The following DGLUCY variants were observed in gnomAD, a reference collection of about 807,000 sequenced individuals.
DGLUCY encodes D-glutamate cyclase, mitochondrial.
DGLUCY carries 58 observed loss-of-function variants against 58.5 expected under a neutral mutation model. That is an observed-to-expected ratio of 0.99 (90% CI 0.80 to 1.23). The LOEUF is 1.23. DGLUCY is among the 50% of genes most tolerant of loss of function. The pLI is 0.00. For synonymous variants in DGLUCY, 325 were observed against 314.1 expected (o/e 1.03, Z -0.37); for missense variants, 779 against 784.7 (o/e 0.99, Z 0.09).
chr14:91,224,374 A>G (rs902321820), intron 13 of DGLUCY, among the ~76,000 whole-genome samples: 7 of 152,204 alleles, frequency 4.6e-5, no homozygotes, highest in Non-Finnish European at 1.0e-4. Context: ...AAAACGGACA[A>G]TCAAACTAAG....
chr14:91,214,151 A>G (rs748051292), intron 12 of DGLUCY, among the ~76,000 whole-genome samples: 3 of 151,800 alleles, frequency 2.0e-5, no homozygotes, highest in Non-Finnish European at 4.4e-5. Flanking sequence ...TCTTTCCTAA[A>G]CCAGTCAGAA....
intron 7 of DGLUCY, among the ~76,000 whole-genome samples, chr14:91,179,719 C>A (rs2049051942): frequency 1.3e-5 from 2 of 151,254 alleles, no homozygotes; most frequent in East Asian, 1.9e-4. Flanking sequence ...CCACTGCACT[C>A]CAACCTGGGC....
At chr14:91,131,440 A>C (rs2046018431) in intron 1 of DGLUCY, among the ~76,000 whole-genome samples, 1 of 150,976 alleles carries the variant, frequency 6.6e-6, no homozygotes, top group African/African-American at 2.4e-5. Flanking sequence ...CATTGTCATT[A>C]CTGATATAGT....
chr14:91,142,853 AC>A (rs2046790839), intron 1 of DGLUCY, among the ~76,000 whole-genome samples: 3 of 143,746 alleles, frequency 2.1e-5, no homozygotes, highest in African/African-American at 8.1e-5. Flanking sequence ...ACACACACAC[AC>A]ACACACACAC....
chr14:91,184,580 G>T (rs1295745367), intron 8 of DGLUCY, among the ~76,000 whole-genome samples: 2 of 102,150 alleles, frequency 2.0e-5, no homozygotes, highest in Non-Finnish European at 4.0e-5. Flanking sequence ...AGAAAGTTGG[G>T]GGGGGGGAGG....
chr14:91,142,310 T>G (rs1392585686), intron 1 of DGLUCY, among the ~76,000 whole-genome samples: 1 of 152,124 alleles, frequency 6.6e-6, no homozygotes, highest in Admixed American at 6.6e-5. Flanking sequence ...TGCCAGAAAT[T>G]TGCATTTTTG....
intron 1 of DGLUCY, chr14:91,060,754 C>CGT (rs1256860159): frequency 6.0e-5 from 14 of 232,266 alleles, no homozygotes; most frequent in Middle Eastern, 1.2e-3. Flanking sequence ...AGGGCGCGCG[C>CGT]GTCTGCCAAC....
Position 91,170,044 on chromosome 14 carries a change from G to A in DGLUCY, c.299G>A (p.Cys100Tyr). The A allele has an allele frequency of 6.2e-7, 1 of 1,612,326 alleles. No homozygotes were observed. The change falls in exon 5 of 14, where the codon TGC becomes TAC. Residue 100 changes from cysteine to tyrosine, a missense_variant. Physicochemically the swap from Cys to Tyr is radical, Grantham distance 194. Transcript: ENST00000256324. ...TTCTGGAAATACGAGTTCGGTGCCTGCACCGGCAGCCTGGCTTCGCTGGAG... is the reference window on the plus strand; with the variant it reads ...TTCTGGAAATACGAGTTCGGTGCCTACACCGGCAGCCTGGCTTCGCTGGAG... ...PQFWKYEFGA[C>Y]TGSLASLEQY... is the part of the protein sequence containing the mutation.
At chr14:91,180,479 G>T (rs1037202229) in intron 7 of DGLUCY, among the ~76,000 whole-genome samples, 39 of 151,484 alleles carry the variant, frequency 2.6e-4, no homozygotes, top group Non-Finnish European at 4.4e-5. Flanking sequence ...GGCTGAGGCG[G>T]GAGAGTCGCT....
chr14:91,225,039 C>A lies in DGLUCY; in HGVS notation c.*206C>A. 2.1e-6 allele frequency: 1 copy of A among 487,192 alleles called. No individual in the cohort carries two copies. Among genetic ancestry groups the A allele is most frequent in the Non-Finnish European group, 3.4e-6 (1 of 293,830 alleles). The allele number at this position is 487,192 out of a possible 1,614,324, so 30.2% of individuals were successfully genotyped here. A position where few individuals can be genotyped will look rare whatever the true frequency, so the allele number is the denominator to read the frequency against. On this transcript the variant is annotated 3_prime_UTR_variant, in exon 14 of 14. Coordinates refer to ENST00000256324, the MANE Select transcript of DGLUCY (RefSeq NM_001102368.3). ...GACAAAGGACAACATTTCTCTGGGG[C>A]TTTTTAACTTTTATTCCTAAGACTC...
chr14:91,113,437 G>C (rs74083954), upstream of DGLUCY, among the ~76,000 whole-genome samples: 1,800 of 152,288 alleles, frequency 0.012, 27 homozygotes, highest in African/African-American at 0.04. Flanking sequence ...AGAAAATCAT[G>C]GTCATAGTTA....
intron 1 of DGLUCY, among the ~76,000 whole-genome samples, chr14:91,062,988 A>G (rs1340734021): frequency 1.3e-5 from 2 of 152,194 alleles, no homozygotes; most frequent in Non-Finnish European, 2.9e-5. Context: ...TATAGAGCCT[A>G]CAGTCTAGCA....
chr14:91,133,019 C>T (rs750816031), intron 1 of DGLUCY, among the ~76,000 whole-genome samples: 10 of 151,908 alleles, frequency 6.6e-5, no homozygotes, highest in East Asian at 1.9e-4. Flanking sequence ...TTTGGCTGGG[C>T]GCGGTAGCTC....
intron 13 of DGLUCY, 110 bp from the exon 14 acceptor site, chr14:91,224,574 A>G (rs1290005130): frequency 7.9e-7 from 1 of 1,271,386 alleles, no homozygotes. Flanking sequence ...TACTTTTTTA[A>G]AAAGCAAGTA....
intron 1 of DGLUCY, among the ~76,000 whole-genome samples, chr14:91,135,062 T>C (rs1235140778): frequency 1.3e-5 from 2 of 152,076 alleles, no homozygotes; most frequent in African/African-American, 4.8e-5. Context: ...TAGCTGGGAC[T>C]ACAGCCGCAC....
chr14:91,204,545 G>T (rs1203539455), intron 11 of DGLUCY, among the ~76,000 whole-genome samples, 161 bp from the exon 12 acceptor site: 2 of 152,176 alleles, frequency 1.3e-5, no homozygotes, highest in African/African-American at 4.8e-5. Flanking sequence ...TTTCTAGAAG[G>T]CCTAAGGGGA....
chr14:91,089,385 GT>G (rs2044272675), intron 1 of DGLUCY, among the ~76,000 whole-genome samples: 3 of 152,346 alleles, frequency 2.0e-5, no homozygotes, highest in Middle Eastern at 3.4e-3. Flanking sequence ...GGAGTCTCTG[GT>G]TCTCATCATG....
chr14:91,176,997 C>T (rs1337760672), intron 7 of DGLUCY, among the ~76,000 whole-genome samples: 3 of 149,938 alleles, frequency 2.0e-5, no homozygotes, highest in Admixed American at 1.3e-4. Context: ...GTCTTTCTTT[C>T]TTTCTCTTTC....
At chr14:91,199,626 C>A in intron 10 of DGLUCY, 131 bp from the exon 11 acceptor site, 2 of 1,074,620 alleles carry the variant, frequency 1.9e-6, no homozygotes, top group South Asian at 1.5e-5. Flanking sequence ...GATGTGCCAC[C>A]AAGTTCTGCA....
Sources: gnomAD v4.1 joint callset for allele counts (sites outside exome capture counted in the v4.1 genomes callset) on GRCh38, gnomAD v4.1.1 for gene constraint, MANE v1.5 for transcripts, NCBI Gene and HGNC (gene_info 2026-07-23, HGNC 2026-07-21) for gene names.